AP4B1: variants seen among roughly 807,000 people sequenced by gnomAD.
The protein encoded by AP4B1 is AP-4 complex subunit beta-1.
A neutral mutation model predicts 76.5 loss-of-function variants in AP4B1; 49 were observed. The ratio of observed to expected loss-of-function variants is 0.64; its 90% CI spans 0.51 to 0.81. The LOEUF is 0.81. Among genes scored for constraint, AP4B1 ranks in the 40% least tolerant of loss-of-function variants. AP4B1 has a pLI of 0.00. For missense variants in AP4B1, 911 were observed against 904.9 expected, an observed-to-expected ratio of 1.01 and a Z score of -0.09; for synonymous variants, 330 against 333.3, an observed-to-expected ratio of 0.99 and a Z score of 0.11.
intron 1 of AP4B1, among the ~76,000 whole-genome samples, chr1:113,903,238 G>T (rs1268858330): frequency 6.6e-6 from 1 of 152,156 alleles, no homozygotes; most frequent in Non-Finnish European, 1.5e-5. Context: ...GCTAATTTTT[G>T]TATTTTTAGT....
chr1:113,903,403 A>C (rs1571586466), intron 1 of AP4B1, among the ~76,000 whole-genome samples: 1 of 152,340 alleles, frequency 6.6e-6, no homozygotes, highest in South Asian at 2.1e-4. Flanking sequence ...ACTTTGGTGA[A>C]ATTCAACTTT....
rs1430736717 is a variant in AP4B1 at position 113,900,095 on chromosome 1, G to C, written c.923C>G (p.Pro308Arg). The C allele has an allele frequency of 6.2e-7, 1 of 1,614,062 alleles. No individual in the cohort carries two copies. Among genetic ancestry groups the C allele is most frequent in the Non-Finnish European group, 8.5e-7 (1 of 1,180,052 alleles). Residue 308 changes from proline (P) to arginine (R), a missense_variant, in exon 5 of 10, where the codon CCA becomes CGA. Physicochemically the swap from Pro to Arg is moderately radical, Grantham distance 103. Transcript: ENST00000369569. The stretch of plus-strand genomic sequence containing the variant: ...TTTGTAGTGGCTGCTAAAGTGACCT[G>C]GTAAACTATGCAAGATCTGGCGTAC... ...CHVRQILHSL[P>R]GHFSSHYKKF...
chr1:113,897,785 G>T, intron 7 of AP4B1, 55 bp downstream of exon 7: 1 of 1,571,306 alleles, frequency 6.4e-7, no homozygotes, highest in South Asian at 1.1e-5. Flanking sequence ...ATTTCAAAGG[G>T]CAGGGTTTCA....
chr1:113,904,184 G>A (rs1482104168), intron 1 of AP4B1, among the ~76,000 whole-genome samples: 2 of 152,194 alleles, frequency 1.3e-5, no homozygotes, highest in Admixed American at 6.5e-5. Context: ...TGGCTCCCAC[G>A]CATAGTCGGC....
Position 113,901,317 on chromosome 1 carries a change from C to T in AP4B1, c.536G>A (p.Cys179Tyr), listed in dbSNP as rs768829817. The T allele has an allele frequency of 1.9e-6, 3 of 1,614,076 alleles. No individual in the cohort carries two copies. Among genetic ancestry groups the T allele is most frequent in the Admixed American group, 1.7e-5 (1 of 60,020 alleles). Residue 179 changes from cysteine to tyrosine, a missense_variant, in exon 4 of 10, where the codon TGC becomes TAC. Coordinates refer to ENST00000369569, the MANE Select transcript of AP4B1 (RefSeq NM_001253852.3). ...RDQDPIVVVN[C>Y]LRSLEEILKQ... ...CAGAATTTCCTCTAGAGACCTCAAG[C>T]AGTTCACAACTACAATTGGATCCTG...
At chr1:113,900,836 A>G (rs779174750) in intron 4 of AP4B1, 3 of 282,956 alleles carry the variant, frequency 1.1e-5, no homozygotes, top group Non-Finnish European at 1.4e-5. Context: ...GGCCGGGCGC[A>G]GTGGCTCACG....
chr1:113,896,480 A>T lies in AP4B1; in HGVS notation c.1303-15T>A, dbSNP rs1484745791. 6.2e-7 allele frequency: 1 copy of T among 1,613,100 alleles called. No homozygotes were observed. Among genetic ancestry groups the T allele is most frequent in the East Asian group, 2.2e-5 (1 of 44,892 alleles). On this transcript the variant is annotated splice_polypyrimidine_tract_variant and intron_variant, in intron 7 of 9. Transcript: ENST00000369569. ...GCTTGCTTCCCCTAGAGAATAAAGGAATAAGAGCAAGTGCTCAACACTTGA... is the reference window on the plus strand; with the variant it reads ...GCTTGCTTCCCCTAGAGAATAAAGGTATAAGAGCAAGTGCTCAACACTTGA...
intron 8 of AP4B1, 29 bp from the exon 9 acceptor site, chr1:113,896,067 TA>T: frequency 6.2e-7 from 1 of 1,614,088 alleles, no homozygotes; most frequent in Non-Finnish European, 8.5e-7. Flanking sequence ...TTGACTTCAT[TA>T]AAAACAAAAC....
At chr1:113,903,090 G>A (rs927105850) in intron 1 of AP4B1, among the ~76,000 whole-genome samples, 1 of 152,172 alleles carries the variant, frequency 6.6e-6, no homozygotes, top group Admixed American at 6.5e-5. Flanking sequence ...TTTTGAGACA[G>A]AGTCTTGCTC....
chr1:113,901,655 A>G, intron 3 of AP4B1, 100 bp downstream of exon 3: 1 of 1,515,590 alleles, frequency 6.6e-7, no homozygotes, highest in South Asian at 1.1e-5. Context: ...TATGTACAGA[A>G]CTGGGGCCAC....
At chr1:113,899,488 A>T (rs1370190365) in intron 5 of AP4B1, 3 of 461,210 alleles carry the variant, frequency 6.5e-6, no homozygotes, top group African/African-American at 6.4e-5. Context: ...CCCATTTCTA[A>T]AACTATGTGC....
rs1388497454 is a variant in AP4B1 at position 113,895,952 on chromosome 1, G to T, written c.1597C>A (p.Leu533Met). 6.2e-7 allele frequency: 1 copy of T among 1,614,208 alleles called. No homozygotes were observed. The change falls in exon 9 of 10, where the codon CTG becomes ATG. Residue 533 changes from leucine (L) to methionine (M), a missense_variant. Leu to Met is a conservative substitution (Grantham distance 15). Transcript: ENST00000369569. ...LVGIDEVKRI[L>M]CSPKSDPTLG... ...GTAGGGTCAGATTTAGGGCTACACAGAATCCGCTTAACTTCATCAATGCCA... is the reference window on the plus strand; with the variant it reads ...GTAGGGTCAGATTTAGGGCTACACATAATCCGCTTAACTTCATCAATGCCA...
In AP4B1 at chr1:113,897,893, C is replaced by T. The variant is rs751482109; in HGVS notation, c.1249G>A (p.Glu417Lys). Reference sequence around the variant, plus strand: ...CCGGGCAGGGCCTGACATACAGCTTCAGTACACTGAGGACACAACCAAACC... The same window carrying T: ...CCGGGCAGGGCCTGACATACAGCTTTAGTACACTGAGGACACAACCAAACC... Reference protein sequence around the residue: ...DLVWLCPQCTEAVCQALPGCE... With the variant: ...DLVWLCPQCTKAVCQALPGCE... The change falls in exon 7 of 10, where the codon GAA (glutamate) becomes AAA (lysine). Residue 417 changes from glutamate (E) to lysine (K), a missense_variant. Transcript: ENST00000369569. 13 of 1,614,028 alleles carry T rather than the reference C, an allele frequency of 8.1e-6. No individual in the cohort carries two copies. The highest frequency in any genetic ancestry group is 1.1e-5 in the Non-Finnish European group (13 of 1,180,040).
rs758487019 is a variant in AP4B1, at chr1:113,902,679, T to C, written c.297A>G (p.Pro99=). 1.2e-6 allele frequency: 2 copies of C among 1,613,922 alleles called. No homozygotes were observed. Among genetic ancestry groups the C allele is most frequent in the Non-Finnish European group, 1.7e-6 (2 of 1,180,026 alleles). Residue 99 remains proline (P), a synonymous_variant, in exon 2 of 10, where the codon CCA becomes CCG. Coordinates refer to ENST00000369569, the MANE Select transcript of AP4B1 (RefSeq NM_001253852.3). ...TCCGTAACGCCAGCCCTCGCACCATTGGATTGGGGTCTGAGCAGTCTTTGC... is the reference window on the plus strand; with the variant it reads ...TCCGTAACGCCAGCCCTCGCACCATCGGATTGGGGTCTGAGCAGTCTTTGC... ...TLCKDCSDPN[P]MVRGLALRSM...
intron 4 of AP4B1, 92 bp from the exon 5 acceptor site, chr1:113,900,492 T>G: frequency 6.9e-7 from 1 of 1,442,674 alleles, no homozygotes; most frequent in South Asian, 1.2e-5. Context: ...TTGTTCATCA[T>G]AGCAAAGGGA....
intron 1 of AP4B1, 25 bp downstream of exon 1, chr1:113,904,580 G>A: frequency 6.2e-7 from 1 of 1,607,366 alleles, no homozygotes; most frequent in Non-Finnish European, 8.5e-7. Flanking sequence ...GGAGCAGTTA[G>A]CACGCGAAGG....
At chr1:113,898,932 C>T (rs1338298335) in intron 5 of AP4B1, 131 bp from the exon 6 acceptor site, 3 of 950,266 alleles carry the variant, frequency 3.2e-6, no homozygotes, top group African/African-American at 1.7e-5. Context: ...AAAATTCACT[C>T]CTTACTTGAT....
At chr1:113,902,557 A>G in intron 2 of AP4B1, 81 bp downstream of exon 2, 1 of 1,412,324 alleles carries the variant, frequency 7.1e-7, no homozygotes, top group African/African-American at 1.4e-5. Context: ...AGCTCAAATA[A>G]ATTATCCTCT....
rs1345859320 is a variant in AP4B1 at position 113,895,070 on chromosome 1, AT to A, written c.2214del (p.Lys738AsnfsTer10). 1 of 1,613,312 alleles carries A rather than the reference AT, an allele frequency of 6.2e-7. No individual in the cohort carries two copies. The highest frequency in any genetic ancestry group is 1.1e-5 in the South Asian group (1 of 90,996). On this transcript the variant is annotated frameshift_variant, in exon 10 of 10. Coordinates refer to ENST00000369569, the MANE Select transcript of AP4B1 (RefSeq NM_001253852.3). LOFTEE classifies it high-confidence loss of function. Reference sequence around the variant, plus strand: ...AGACAAGCAACAAGACTCTGTTATGATTTTATTTCTTCAATTGTTCCAATCA... The same window carrying A: ...AGACAAGCAACAAGACTCTGTTATGATTTATTTCTTCAATTGTTCCAATCA... ...ETVIGTIEEIKS is the reference protein window; with the variant it reads ...ETVIGTIEEIXS
Sources: gnomAD v4.1 joint callset for allele counts (sites outside exome capture counted in the v4.1 genomes callset) on GRCh38, gnomAD v4.1.1 for gene constraint, MANE v1.5 for transcripts, NCBI Gene and HGNC (gene_info 2026-07-23, HGNC 2026-07-21) for gene names.